The following TTLL11 variants were observed in gnomAD, a reference collection of about 807,000 sequenced individuals.
TTLL11 encodes tubulin tyrosine ligase like 11, also known as tubulin polyglutamylase TTLL11.
TTLL11 carries 42 observed loss-of-function variants against 51.7 expected under a neutral mutation model. The observed-to-expected ratio is 0.81, with a 90% CI of 0.64 to 1.05. The LOEUF (loss-of-function observed/expected upper bound fraction) is 1.05, where lower values mean the gene tolerates loss of function less well. TTLL11 is among the 50% of genes least tolerant of loss of function. TTLL11 has a pLI of 0.00. For synonymous variants in TTLL11, 381 were observed against 383.5 expected (o/e 0.99, Z 0.08); for missense variants, 799 against 940.4 (o/e 0.85, Z 1.97).
chr9:121,837,776 C>A (rs1381259956), intron 8 of TTLL11, among the ~76,000 whole-genome samples: 1 of 152,190 alleles, frequency 6.6e-6, no homozygotes, highest in African/African-American at 2.4e-5. Context: ...ATGTCCACTC[C>A]CTGTCTCTCC....
chr9:121,837,205 T>C (rs1342066293), intron 8 of TTLL11, among the ~76,000 whole-genome samples: 3 of 88,410 alleles, frequency 3.4e-5, no homozygotes, highest in Non-Finnish European at 6.8e-5. Context: ...TCTCCTGTTT[T>C]CTTCTTTTTT....
intron 6 of TTLL11, among the ~76,000 whole-genome samples, chr9:121,967,969 G>C (rs1343530192): frequency 6.6e-6 from 1 of 152,194 alleles, no homozygotes; most frequent in Non-Finnish European, 1.5e-5. Flanking sequence ...AAAGCAGACT[G>C]TTGGTTGCCG....
At chr9:121,998,228 G>A (rs1459034501) in intron 3 of TTLL11, among the ~76,000 whole-genome samples, 1 of 151,996 alleles carries the variant, frequency 6.6e-6, no homozygotes, top group African/African-American at 2.4e-5. Context: ...TATGTCCCTT[G>A]CAGTCCTGCC....
rs549767704 is a variant in TTLL11, at chr9:122,084,619, T to A, written c.462+8068A>T. 3.3e-5 allele frequency among the ~76,000 whole-genome samples: 5 copies of A among 152,332 alleles called. No individual in the cohort carries two copies. The South Asian group carries it at 1.0e-3, about 32-fold the overall frequency. The stretch of plus-strand genomic sequence containing the variant: ...TCTGCCTGTTCACATCATCCATTTT[T>A]CTGTTACAAAATTTAATTAAGATGT... On this transcript the variant is annotated intron_variant, in intron 1 of 8. Coordinates refer to ENST00000321582, the MANE Select transcript of TTLL11 (RefSeq NM_001139442.2).
At chr9:121,826,815 C>G (rs1324220364) in intron 8 of TTLL11, among the ~76,000 whole-genome samples, 2 of 151,740 alleles carry the variant, frequency 1.3e-5, no homozygotes, top group Non-Finnish European at 2.9e-5. Flanking sequence ...GACAGTGGGG[C>G]CTTGCAGAAT....
At chr9:122,000,471 CA>C (rs57775265) in intron 3 of TTLL11, among the ~76,000 whole-genome samples, 1,320 of 22,776 alleles carry the variant, frequency 0.058, 4 homozygotes, top group Admixed American at 0.16. Flanking sequence ...GACTCCGTCG[CA>C]AAAAAAAAAA....
chr9:122,062,513 G>C (rs1325624994), intron 1 of TTLL11, among the ~76,000 whole-genome samples: 2 of 120,646 alleles, frequency 1.7e-5, no homozygotes, highest in East Asian at 2.3e-4. Context: ...CTGTCGCCCA[G>C]GCTGGAGTGC....
At chr9:121,974,337 T>C (rs1469775501) in intron 5 of TTLL11, among the ~76,000 whole-genome samples, 1 of 152,182 alleles carries the variant, frequency 6.6e-6, no homozygotes, top group East Asian at 1.9e-4. Context: ...ACTATGTTTT[T>C]CTAATTATCA....
chr9:121,928,085 G>C (rs1840811831), intron 6 of TTLL11, among the ~76,000 whole-genome samples: 1 of 152,126 alleles, frequency 6.6e-6, no homozygotes, highest in African/African-American at 2.4e-5. Flanking sequence ...TATCTCAGTA[G>C]ATGATGGAGA....
chr9:122,082,897 G>A (rs1846034737), intron 1 of TTLL11, among the ~76,000 whole-genome samples: 1 of 152,070 alleles, frequency 6.6e-6, no homozygotes, highest in South Asian at 2.1e-4. Context: ...GGCATGGTGT[G>A]CACCTGTAGT....
chr9:122,007,648 T>G (rs750106615), intron 3 of TTLL11, among the ~76,000 whole-genome samples: 2 of 152,168 alleles, frequency 1.3e-5, no homozygotes, highest in East Asian at 3.9e-4. Context: ...CATACATAGA[T>G]AGTTAAATCA....
At chr9:122,053,348 C>T (rs942273294) in intron 1 of TTLL11, among the ~76,000 whole-genome samples, 6 of 152,088 alleles carry the variant, frequency 3.9e-5, no homozygotes, top group African/African-American at 7.2e-5. Flanking sequence ...AAGGAAGAGA[C>T]GAAGGGAAAT....
At chr9:121,991,429 C>A (rs569149410) in intron 3 of TTLL11, among the ~76,000 whole-genome samples, 13 of 152,312 alleles carry the variant, frequency 8.5e-5, no homozygotes, top group Admixed American at 7.8e-4. Flanking sequence ...GGCTTTCTTG[C>A]AACTGTGACC....
chr9:121,858,961 T>C (rs572989740), intron 8 of TTLL11, among the ~76,000 whole-genome samples: 1 of 152,168 alleles, frequency 6.6e-6, no homozygotes, highest in African/African-American at 2.4e-5. Context: ...TGCGTCCCTT[T>C]TGGAGGGAGG....
intron 3 of TTLL11, among the ~76,000 whole-genome samples, chr9:121,993,432 C>A (rs1260060135): frequency 6.6e-6 from 1 of 152,144 alleles, no homozygotes; most frequent in Non-Finnish European, 1.5e-5. Flanking sequence ...GACTGTGTGA[C>A]CTCGAGAAAG....
chr9:122,008,335 A>G (rs944252459), intron 3 of TTLL11, among the ~76,000 whole-genome samples: 6 of 152,254 alleles, frequency 3.9e-5, no homozygotes, highest in African/African-American at 1.2e-4. Context: ...CAGACATCTG[A>G]TAAAGGGTTA....
chr9:121,975,617 C>T (rs1052577296), intron 4 of TTLL11, among the ~76,000 whole-genome samples: 1 of 152,142 alleles, frequency 6.6e-6, no homozygotes, highest in African/African-American at 2.4e-5. Context: ...AAGGCTGAAG[C>T]AGGATAATTG....
chr9:122,010,630 A>G (rs1358217775), intron 3 of TTLL11, among the ~76,000 whole-genome samples: 4 of 152,244 alleles, frequency 2.6e-5, no homozygotes, highest in Non-Finnish European at 5.9e-5. Flanking sequence ...ATGCTGCTAC[A>G]AAAACAAGCA....
At chr9:121,998,239 A>G (rs1011949213) in intron 3 of TTLL11, among the ~76,000 whole-genome samples, 2 of 152,060 alleles carry the variant, frequency 1.3e-5, no homozygotes, top group African/African-American at 4.8e-5. Flanking sequence ...CAGTCCTGCC[A>G]TAATTTACAC....
Sources: gnomAD v4.1 joint callset for allele counts (sites outside exome capture counted in the v4.1 genomes callset) on GRCh38, gnomAD v4.1.1 for gene constraint, MANE v1.5 for transcripts, NCBI Gene and HGNC (gene_info 2026-07-23, HGNC 2026-07-21) for gene names.